Variants in SLCO1B3 observed in about 807,000 individuals in gnomAD.
The protein encoded by SLCO1B3 is liver-specific organic anion transporter 2.
SLCO1B3 carries 72 observed loss-of-function variants against 71.8 expected under a neutral mutation model. The ratio of observed to expected loss-of-function variants is 1.00; its 90% CI spans 0.83 to 1.22. SLCO1B3 has a LOEUF of 1.22. Ranked by LOEUF, SLCO1B3 falls within the 50% of genes most tolerant of loss-of-function variation. The pLI is 0.00. For synonymous variants in SLCO1B3, 298 were observed against 278.4 expected, an observed-to-expected ratio of 1.07 and a Z score of -0.70; for missense variants, 911 against 819.7, an observed-to-expected ratio of 1.11 and a Z score of -1.36.
intron 13 of SLCO1B3, among the ~76,000 whole-genome samples, chr12:20,894,550 C>T (rs1195398456): frequency 6.6e-6 from 1 of 152,058 alleles, no homozygotes; most frequent in Non-Finnish European, 1.5e-5. Flanking sequence ...AAATACAGCT[C>T]AATAACAAAT....
chr12:20,900,452 A>G (rs977095385), intron 14 of SLCO1B3, among the ~76,000 whole-genome samples: 1 of 152,172 alleles, frequency 6.6e-6, no homozygotes, highest in Non-Finnish European at 1.5e-5. Context: ...CAAAATTTTG[A>G]ACAAATTACC....
chr12:20,852,326 G>A (rs7135582), intron 3 of SLCO1B3, among the ~76,000 whole-genome samples: 109,970 of 151,776 alleles, frequency 0.72, 42,391 homozygotes, highest in South Asian at 0.9. Flanking sequence ...TTAAAAAAAA[G>A]TAATTAGTTA....
chr12:20,888,544 C>T (rs1281944893), intron 13 of SLCO1B3, among the ~76,000 whole-genome samples: 1 of 151,842 alleles, frequency 6.6e-6, no homozygotes, highest in Non-Finnish European at 1.5e-5. Flanking sequence ...GTTTTGTATC[C>T]TGAAACTTTA....
Position 20,837,824 on chromosome 12 carries a change from A to C in SLCO1B3, c.85-17204A>C, listed in dbSNP as rs569239984. Among the ~76,000 whole-genome samples the C allele has an allele frequency of 1.0e-3, 152 of 152,270 alleles. 1 individual carries two copies. In the South Asian group the frequency reaches 0.015, roughly 15 times the overall value. On this transcript the variant is annotated intron_variant, in intron 3 of 15. Transcript: ENST00000381545. ...TACATGAAGTTGTAAAGTAATATAT[A>C]GATGTTAATTATATCCAGTTGATTA...
Position 20,879,205 on chromosome 12 carries a change from C to CTTTTTTT in SLCO1B3, c.1136-216_1136-210dup, listed in dbSNP as rs4149166. 1.0e-3 allele frequency among the ~76,000 whole-genome samples: 98 copies of CTTTTTTT among 95,218 alleles called. 2 individuals are homozygous for CTTTTTTT. The highest frequency in any genetic ancestry group is 1.6e-3 in the Non-Finnish European group (80 of 50,958). The allele number at this position is 95,218 out of a possible 152,430, so 62.5% of individuals were successfully genotyped here. ...CCACCCTAGTGTGCCACCCTTCTCTCTTTTTTTTTTTTTTTTTTTTTGAGA... is the reference window on the plus strand; with the variant it reads ...CCACCCTAGTGTGCCACCCTTCTCTCTTTTTTTTTTTTTTTTTTTTTTTTTTTTGAGA... On this transcript the variant is annotated intron_variant, in intron 10 of 15. Coordinates refer to ENST00000381545, the MANE Select transcript of SLCO1B3 (RefSeq NM_019844.4).
rs576013533 is a variant in SLCO1B3, at chr12:20,819,604, T to C, written c.84+3782T>C. On this transcript the variant is annotated intron_variant, in intron 3 of 15. Transcript: ENST00000381545. ...GCAAAATAATTTGGTTGATAAGGCATAGATCCTGAGCTAACTTGTAAGGCT... is the reference window on the plus strand; with the variant it reads ...GCAAAATAATTTGGTTGATAAGGCACAGATCCTGAGCTAACTTGTAAGGCT... 5.3e-5 allele frequency among the ~76,000 whole-genome samples: 8 copies of C among 152,274 alleles called. No homozygotes were observed. In the South Asian group the frequency reaches 1.7e-3, roughly 32 times the overall value.
At chr12:20,891,841 G>A (rs1865910164) in intron 13 of SLCO1B3, among the ~76,000 whole-genome samples, 1 of 151,956 alleles carries the variant, frequency 6.6e-6, no homozygotes, top group Non-Finnish European at 1.5e-5. Context: ...GTATTTTGCA[G>A]TCCCTTCAAT....
chr12:20,863,821 A>G (rs1352906792), intron 8 of SLCO1B3, among the ~76,000 whole-genome samples: 3 of 152,314 alleles, frequency 2.0e-5, no homozygotes, highest in Non-Finnish European at 2.9e-5. Context: ...CTCATCCACT[A>G]TAATCTGTTT....
At chr12:20,889,093 A>AG (rs1865850452) in intron 13 of SLCO1B3, among the ~76,000 whole-genome samples, 2 of 65,910 alleles carry the variant, frequency 3.0e-5, no homozygotes, top group African/African-American at 7.4e-5. Flanking sequence ...TATTTTCTAG[A>AG]GTTTTTTTTT....
chr12:20,861,083 TTTAA>T lies in SLCO1B3; in HGVS notation c.432_435del (p.Asn145LysfsTer12), dbSNP rs764867994. 56 of 1,604,694 alleles carry T rather than the reference TTTAA, an allele frequency of 3.5e-5. No individual in the cohort carries two copies. Among genetic ancestry groups the T allele is most frequent in the Admixed American group, 5.1e-5 (3 of 58,948 alleles). ...ATTCAACATCAAGTTTATCAACCTG[TTTAA>T]TTAATCAAACCTTATCATTCAATGG... is the stretch of plus-strand genomic sequence containing the variant. On this transcript the variant is annotated frameshift_variant, in exon 6 of 16. Coordinates refer to ENST00000381545, the MANE Select transcript of SLCO1B3 (RefSeq NM_019844.4). LOFTEE classifies it high-confidence loss of function.
chr12:20,828,609 C>G (rs1480482225), intron 3 of SLCO1B3, among the ~76,000 whole-genome samples: 1 of 151,500 alleles, frequency 6.6e-6, no homozygotes, highest in Non-Finnish European at 1.5e-5. Flanking sequence ...AAACAAGATC[C>G]TAGGAGAGAA....
intron 15 of SLCO1B3, among the ~76,000 whole-genome samples, chr12:20,914,834 T>C (rs4762806): frequency 0.78 from 119,037 of 152,106 alleles, 51,204 homozygotes; most frequent in South Asian, 0.95. Context: ...TATTTCACTT[T>C]GCTCTCTTCT....
intron 3 of SLCO1B3, among the ~76,000 whole-genome samples, chr12:20,846,047 A>T (rs1864913200): frequency 6.6e-6 from 1 of 151,654 alleles, no homozygotes; most frequent in South Asian, 2.1e-4. Flanking sequence ...CTATTCTTAC[A>T]TCAGATAAAA....
At chr12:20,903,270 G>C (rs1866166568) in intron 15 of SLCO1B3, among the ~76,000 whole-genome samples, 1 of 152,064 alleles carries the variant, frequency 6.6e-6, no homozygotes, top group Non-Finnish European at 1.5e-5. Flanking sequence ...ATTAGTTGGA[G>C]ACATGTCCAC....
In SLCO1B3 at chr12:20,883,539, T is replaced by C. The variant is rs778122196; in HGVS notation, c.1619T>C (p.Ile540Thr). 2.5e-6 allele frequency: 4 copies of C among 1,605,472 alleles called. No homozygotes were observed. The highest frequency in any genetic ancestry group is 1.7e-4 in the Middle Eastern group (1 of 6,040). The change falls in exon 13 of 16, where the codon ATT (isoleucine) becomes ACT (threonine). Residue 540 changes from isoleucine to threonine, a missense_variant. Coordinates refer to ENST00000381545, the MANE Select transcript of SLCO1B3 (RefSeq NM_019844.4). ...CTRKFFIYVAIQVINSLFSAT... is the reference protein window; with the variant it reads ...CTRKFFIYVATQVINSLFSAT... The stretch of plus-strand genomic sequence containing the variant: ...AGGAAATTTTTCATCTATGTTGCAA[T>C]TCAAGTCATAAACTCTTTGTTCTCT...
chr12:20,880,759 C>T, intron 11 of SLCO1B3, 96 bp from the exon 12 acceptor site: 1 of 698,334 alleles, frequency 1.4e-6, no homozygotes, highest in Non-Finnish European at 2.2e-6. Context: ...TCCTCCTCCT[C>T]TATTTCCCCT....
At chr12:20,866,168 CA>C (rs1302079034) in intron 8 of SLCO1B3, among the ~76,000 whole-genome samples, 1 of 151,960 alleles carries the variant, frequency 6.6e-6, no homozygotes, top group Non-Finnish European at 1.5e-5. Context: ...CTCCCAGAAG[CA>C]AAGAAAAGTC....
At position 20,862,521 on chromosome 12, in the gene SLCO1B3, T is replaced by C. The variant is rs974786731; in HGVS notation, c.591T>C (p.Asp197=). ...PIVPLGISYI[D]DFAKEGHSSL... ...TACCATTGGGGATTTCATACATTGATGATTTTGCAAAAGAAGGACATTCTT... is the reference window on the plus strand; with the variant it reads ...TACCATTGGGGATTTCATACATTGACGATTTTGCAAAAGAAGGACATTCTT... The change falls in exon 7 of 16, where the codon GAT becomes GAC. Residue 197 remains aspartate (D), a synonymous_variant. Transcript: ENST00000381545. The C allele has an allele frequency of 1.6e-5, 26 of 1,611,630 alleles. No homozygotes were observed. Among genetic ancestry groups the C allele is most frequent in the Non-Finnish European group, 2.1e-5 (25 of 1,178,798 alleles).
intron 3 of SLCO1B3, among the ~76,000 whole-genome samples, chr12:20,827,827 C>G (rs1864459018): frequency 6.6e-6 from 1 of 152,138 alleles, no homozygotes; most frequent in South Asian, 2.1e-4. Context: ...CTTGGCCTTC[C>G]AAAGTGCTGA....
Sources: gnomAD v4.1 joint callset for allele counts (sites outside exome capture counted in the v4.1 genomes callset) on GRCh38, gnomAD v4.1.1 for gene constraint, MANE v1.5 for transcripts, NCBI Gene and HGNC (gene_info 2026-07-23, HGNC 2026-07-21) for gene names.